The following SSC5D variants were observed in gnomAD, a reference collection of about 807,000 sequenced individuals.
The protein encoded by SSC5D is scavenger receptor cysteine rich family member with 5 domains, also known as soluble scavenger receptor cysteine-rich domain-containing protein SSC5D.
A neutral mutation model predicts 104.6 loss-of-function variants in SSC5D; 106 were observed. The ratio of observed to expected loss-of-function variants is 1.01; its 90% CI spans 0.87 to 1.19. The LOEUF is 1.19. Among genes scored for constraint, SSC5D ranks in the 50% most tolerant of loss-of-function variants. The probability of loss-of-function intolerance (pLI) is 0.00; values close to 1 mark genes in which losing one functional copy is unlikely to be tolerated. For synonymous variants in SSC5D, 860 were observed against 883.5 expected (o/e 0.97, Z 0.47); for missense variants, 1,993 against 2,153.8 (o/e 0.93, Z 1.48).
intron 13 of SSC5D, among the ~76,000 whole-genome samples, chr19:55,514,774 T>C (rs561883767): frequency 3.7e-4 from 56 of 152,300 alleles, no homozygotes; most frequent in African/African-American, 1.2e-3. Context: ...GCTTATTCCA[T>C]GCTAGACATT....
Position 55,489,465 on chromosome 19 carries a change from C to A in SSC5D, c.164C>A (p.Ala55Asp). 6.8e-7 allele frequency: 1 copy of A among 1,474,290 alleles called. No individual in the cohort carries two copies. Among genetic ancestry groups the A allele is most frequent in the Non-Finnish European group, 8.9e-7 (1 of 1,120,582 alleles). 91.3% of individuals were successfully genotyped at this position (1,474,290 alleles called of 1,614,324 possible). Residue 55 changes from alanine to aspartate, a missense_variant, in exon 3 of 14, where the codon GCC (alanine) becomes GAC (aspartate). Coordinates refer to ENST00000389623, the MANE Select transcript of SSC5D (RefSeq NM_001144950.2). Reference protein sequence around the residue: ...CDDGWDLRDAAVACRQLGCGG... With the variant: ...CDDGWDLRDADVACRQLGCGG... The stretch of plus-strand genomic sequence containing the variant: ...GACGGCTGGGACCTGCGCGATGCCG[C>A]CGTGGCCTGCCGGCAGCTGGGCTGC...
chr19:55,495,233 A>ATATATATATATATATATATAAT (rs1555765051), intron 8 of SSC5D, among the ~76,000 whole-genome samples: 5 of 50,664 alleles, frequency 9.9e-5, no homozygotes, highest in East Asian at 1.9e-3. Flanking sequence ...ATATATATAT[A>ATATATATATATATATATATAAT]TTTTTTTTTT....
Position 55,500,119 on chromosome 19 carries a change from C to A in SSC5D, c.2009C>A (p.Thr670Asn). 2.6e-6 allele frequency: 4 copies of A among 1,551,680 alleles called. No homozygotes were observed. The South Asian group carries it at 4.8e-5, about 18-fold the overall frequency. The change falls in exon 10 of 14, where the codon ACT becomes AAT. Residue 670 changes from threonine to asparagine, a missense_variant. Thr to Asn is a moderately conservative substitution (Grantham distance 65). This residue lies in a region of SSC5D where 1,101 missense variants were observed against 1,085.0 expected (regional missense o/e 1.01). Transcript: ENST00000389623. This position sits in a 1 kb window ranked among gnomAD's most constrained non-coding sequence, Gnocchi z 4.6. The stretch of plus-strand genomic sequence containing the variant: ...TCACAGACCACTGCAGCACTGACCA[C>A]TGAGGCCTCCCGAAGACCTACCTCT... ...LTSQTTAALT[T>N]EASRRPTSEF...
At position 55,517,774 on chromosome 19, in the gene SSC5D, C is replaced by G. The variant is rs1987907112; in HGVS notation, c.3498C>G (p.Thr1166=). 1 of 1,548,414 alleles carries G rather than the reference C, an allele frequency of 6.5e-7. No individual in the cohort carries two copies. The highest frequency in any genetic ancestry group is 1.2e-5 in the South Asian group (1 of 83,838). ...DPTMAPDPIT[T]LNPTVTPHFP... ...CCATGGCCCCTGACCCCATCACAAC[C>G]CTTAACCCTACTGTGACCCCTCACT... Residue 1166 remains threonine (T), a synonymous_variant, in exon 14 of 14, where the codon ACC becomes ACG. Coordinates refer to ENST00000389623, the MANE Select transcript of SSC5D (RefSeq NM_001144950.2).
At position 55,500,364 on chromosome 19, in the gene SSC5D, C is replaced by T. The variant is rs1281030363; in HGVS notation, c.2254C>T (p.Pro752Ser). 1 of 1,551,446 alleles carries T rather than the reference C, an allele frequency of 6.4e-7. No individual in the cohort carries two copies. The highest frequency in any genetic ancestry group is 2.0e-5 in the Admixed American group (1 of 51,000). Residue 752 changes from proline to serine, a missense_variant, in exon 10 of 14, where the codon CCC becomes TCC. Around this residue, in one of 6 missense-constraint regions of SSC5D, gnomAD observed 1,101 missense variants for 1,085.0 expected, o/e 1.01. Coordinates refer to ENST00000389623, the MANE Select transcript of SSC5D (RefSeq NM_001144950.2). The surrounding 1 kb of genome is among the most constrained non-coding windows in gnomAD (Gnocchi z 4.6). Reference sequence around the variant, plus strand: ...GATCCCAGAAGGGTCTCCAGAGTCACCCAAAGACCCGGCCCCCTCTCCCAG... The same window carrying T: ...GATCCCAGAAGGGTCTCCAGAGTCATCCAAAGACCCGGCCCCCTCTCCCAG... ...AEIPEGSPESPKDPAPSPSVS... is the reference protein window; with the variant it reads ...AEIPEGSPESSKDPAPSPSVS...
At chr19:55,508,619 T>C (rs1000596477) in intron 12 of SSC5D, among the ~76,000 whole-genome samples, 1 of 152,168 alleles carries the variant, frequency 6.6e-6, no homozygotes, top group African/African-American at 2.4e-5. Context: ...GAATTAGGTC[T>C]GTAGAATCCA....
chr19:55,503,977 A>C lies in SSC5D; in HGVS notation c.2785+2776A>C, dbSNP rs1419490619. 1.4e-5 allele frequency: 11 copies of C among 798,518 alleles called. No homozygotes were observed. In the Admixed American group the frequency reaches 3.0e-4, roughly 22 times the overall value. 49.5% of individuals were successfully genotyped at this position (798,518 alleles called of 1,614,324 possible). ...CCGGCGCATCGCCCGCAGTAATAAT[A>C]GCTGGGCGAAGGGCAACCAGGCCCC... On this transcript the variant is annotated intron_variant, in intron 12 of 13. Transcript: ENST00000389623. The surrounding 1 kb of genome is among the most constrained non-coding windows in gnomAD (Gnocchi z 4.0).
At chr19:55,490,619 G>A (rs76932054) in intron 5 of SSC5D, among the ~76,000 whole-genome samples, 153 bp from the exon 6 acceptor site, 1,627 of 152,218 alleles carry the variant, frequency 0.011, 19 homozygotes, top group African/African-American at 0.037. Context: ...GTCCTGGCCC[G>A]CTCAGGTCGT....
chr19:55,501,278 A>C (rs1987497225), intron 12 of SSC5D, 77 bp downstream of exon 12: 1 of 1,441,838 alleles, frequency 6.9e-7, no homozygotes, highest in East Asian at 2.5e-5. Context: ...TTCCAGAAAG[A>C]CCCTTCTCAA....
chr19:55,512,342 TATA>T (rs1987776120), intron 12 of SSC5D, among the ~76,000 whole-genome samples: 2 of 132,806 alleles, frequency 1.5e-5, no homozygotes, highest in South Asian at 4.6e-4. Flanking sequence ...ATTGCTATTA[TATA>T]GAGATTAAGT....
At chr19:55,490,096 T>A (rs1599910728) in intron 4 of SSC5D, 101 bp downstream of exon 4, 1 of 374,728 alleles carries the variant, frequency 2.7e-6, no homozygotes. Flanking sequence ...CAGCGTGCCC[T>A]CCTGCCCCCA....
In SSC5D at chr19:55,489,468, T is replaced by C; in HGVS notation, c.167T>C (p.Val56Ala). 6.8e-7 allele frequency: 1 copy of C among 1,475,142 alleles called. No individual in the cohort carries two copies. The highest frequency in any genetic ancestry group is 8.9e-7 in the Non-Finnish European group (1 of 1,120,762). The allele number at this position is 1,475,142 out of a possible 1,614,324, so 91.4% of individuals were successfully genotyped here. The change falls in exon 3 of 14, where the codon GTG becomes GCG. Residue 56 changes from valine (V) to alanine (A), a missense_variant. By Grantham distance (64) the Val-to-Ala change is moderately conservative. Transcript: ENST00000389623. Reference protein sequence around the residue: ...DDGWDLRDAAVACRQLGCGGA... With the variant: ...DDGWDLRDAAAACRQLGCGGA... ...GGCTGGGACCTGCGCGATGCCGCCGTGGCCTGCCGGCAGCTGGGCTGCGGA... is the reference window on the plus strand; with the variant it reads ...GGCTGGGACCTGCGCGATGCCGCCGCGGCCTGCCGGCAGCTGGGCTGCGGA...
intron 12 of SSC5D, among the ~76,000 whole-genome samples, chr19:55,505,238 GC>G (rs1222698084): frequency 6.6e-6 from 1 of 151,762 alleles, no homozygotes; most frequent in Non-Finnish European, 1.5e-5. Context: ...CAGGGAACGA[GC>G]GATTATTTGT....
chr19:55,504,564 T>C lies in SSC5D; in HGVS notation c.2785+3363T>C, dbSNP rs536964554. Among the ~76,000 whole-genome samples the C allele has an allele frequency of 1.8e-3, 275 of 152,338 alleles. 2 individuals are homozygous for C. The highest frequency in any genetic ancestry group is 6.4e-3 in the African/African-American group (267 of 41,574). On this transcript the variant is annotated intron_variant, in intron 12 of 13. Coordinates refer to ENST00000389623, the MANE Select transcript of SSC5D (RefSeq NM_001144950.2). ...CACCCACGCTGGAGTGCAGTGGCGCTATCTCAGCTCACTGCAACCTCTGCC... is the reference window on the plus strand; with the variant it reads ...CACCCACGCTGGAGTGCAGTGGCGCCATCTCAGCTCACTGCAACCTCTGCC...
intron 12 of SSC5D, chr19:55,504,063 C>A (rs1987580905): frequency 6.6e-7 from 1 of 1,512,686 alleles, no homozygotes; most frequent in Non-Finnish European, 8.9e-7. Context: ...GGCGCCGTGA[C>A]TTGGGGGTGG....
chr19:55,490,371 C>T lies in SSC5D; in HGVS notation c.549C>T (p.Thr183=). 1 of 1,519,876 alleles carries T rather than the reference C, an allele frequency of 6.6e-7. No individual in the cohort carries two copies. The highest frequency in any genetic ancestry group is 8.9e-7 in the Non-Finnish European group (1 of 1,124,230). 94.1% of individuals were successfully genotyped at this position (1,519,876 alleles called of 1,614,324 possible). The change falls in exon 5 of 14, where the codon ACC becomes ACT. Residue 183 remains threonine, a synonymous_variant. Transcript: ENST00000389623. The stretch of plus-strand genomic sequence containing the variant: ...CCCGGCCCAAGCAGGCCAAGTCCAC[C>T]CGGGCCCCTCTGCTGACGACAGGAG... The part of the protein sequence containing the change: ...KSPRPKQAKS[T]RAPLLTTGAP...
At chr19:55,489,072 C>A (rs1987048417) in intron 2 of SSC5D, 40 bp downstream of exon 2, 5 of 1,061,856 alleles carry the variant, frequency 4.7e-6, no homozygotes, top group Non-Finnish European at 6.4e-6. Context: ...GCCCCCCCCC[C>A]CAGGCCTCCC....
chr19:55,501,198 A>ACAGG lies in SSC5D; in HGVS notation c.2783_2785+1dup. The stretch of plus-strand genomic sequence containing the variant: ...CCCAGCAATAAGGCGCCTGCCGGAC[A>ACAGG]CAGGTGAGAGGCCTGATTGGGGTGG... On this transcript the variant is annotated frameshift_variant, in exon 12 of 14. Coordinates refer to ENST00000389623, the MANE Select transcript of SSC5D (RefSeq NM_001144950.2). LOFTEE classifies it high-confidence loss of function. 1.3e-6 allele frequency: 2 copies of ACAGG among 1,526,176 alleles called. No homozygotes were observed. The allele number at this position is 1,526,176 out of a possible 1,614,324, so 94.5% of individuals were successfully genotyped here.
intron 12 of SSC5D, among the ~76,000 whole-genome samples, chr19:55,506,346 A>G (rs1351395033): frequency 6.9e-6 from 1 of 144,366 alleles, no homozygotes; most frequent in African/African-American, 2.6e-5. Flanking sequence ...GACACTGGAG[A>G]TGAGATTGGA....
Sources: gnomAD v4.1 joint callset for allele counts (sites outside exome capture counted in the v4.1 genomes callset) on GRCh38, gnomAD v4.1.1 for gene constraint, gnomAD v4.1.1 regional missense constraint, Gnocchi (gnomAD v3.1) non-coding constraint, MANE v1.5 for transcripts, NCBI Gene and HGNC (gene_info 2026-07-23, HGNC 2026-07-21) for gene names.